The following C2orf42 variants were observed in gnomAD, a reference collection of about 807,000 sequenced individuals.
The protein encoded by C2orf42 is chromosome 2 open reading frame 42.
C2orf42 carries 44 observed loss-of-function variants against 58.9 expected under a neutral mutation model. The observed-to-expected ratio is 0.75, with a 90% CI of 0.59 to 0.96. The LOEUF is 0.96. C2orf42 is among the 40% of genes least tolerant of loss of function. C2orf42 has a pLI of 0.00. For synonymous variants in C2orf42, 239 were observed against 265.4 expected, an observed-to-expected ratio of 0.90 and a Z score of 0.97; for missense variants, 630 against 699.2, an observed-to-expected ratio of 0.90 and a Z score of 1.12.
intron 4 of C2orf42, among the ~76,000 whole-genome samples, chr2:70,177,990 T>A (rs7560708): frequency 0.22 from 33,867 of 152,082 alleles, 4,107 homozygotes; most frequent in Non-Finnish European, 0.24. Flanking sequence ...CAGTGAGCCA[T>A]GATTGTGCCC....
intron 9 of C2orf42, among the ~76,000 whole-genome samples, chr2:70,157,348 G>C (rs929495953): frequency 3.3e-5 from 5 of 152,116 alleles, no homozygotes; most frequent in Admixed American, 3.3e-4. Flanking sequence ...CAGCTACTCA[G>C]GAGGCTGAGG....
intron 1 of C2orf42, among the ~76,000 whole-genome samples, chr2:70,184,485 T>C: frequency 2.1e-5 from 2 of 93,316 alleles, no homozygotes; most frequent in African/African-American, 5.1e-5. Flanking sequence ...CCCTATTTTT[T>C]TTTTTTTTTT....
At chr2:70,151,352 T>C (rs1024777604) in intron 9 of C2orf42, among the ~76,000 whole-genome samples, 2 of 152,118 alleles carry the variant, frequency 1.3e-5, no homozygotes, top group Middle Eastern at 6.8e-3. Flanking sequence ...ACAAGAAGGA[T>C]AGGCCAGGGA....
At chr2:70,175,564 GTATT>G (rs1674131759) in intron 5 of C2orf42, 105 bp downstream of exon 5, 2 of 759,450 alleles carry the variant, frequency 2.6e-6, no homozygotes, top group Non-Finnish European at 2.4e-6. Flanking sequence ...GCTTCTGTTA[GTATT>G]TATGCTGGGA....
chr2:70,176,002 C>T (rs1227474952), intron 4 of C2orf42, among the ~76,000 whole-genome samples: 2 of 152,092 alleles, frequency 1.3e-5, no homozygotes, highest in Admixed American at 6.6e-5. Context: ...GAAAAAAATT[C>T]ACTTATTGCT....
chr2:70,162,779 G>A (rs1673143368), intron 8 of C2orf42, among the ~76,000 whole-genome samples: 1 of 151,780 alleles, frequency 6.6e-6, no homozygotes, highest in Non-Finnish European at 1.5e-5. Flanking sequence ...TGTAAATTCT[G>A]TAGCTATCAA....
intron 8 of C2orf42, among the ~76,000 whole-genome samples, chr2:70,164,538 A>C (rs1673274930): frequency 6.6e-6 from 1 of 152,008 alleles, no homozygotes; most frequent in Non-Finnish European, 1.5e-5. Flanking sequence ...GGGCTGAGGC[A>C]AGGGAATTGC....
rs921620038 is a variant in C2orf42, at chr2:70,189,300, G to A, written c.-282+1673C>T. On this transcript the variant is annotated intron_variant, in intron 1 of 9. Coordinates refer to ENST00000264434, the MANE Select transcript of C2orf42 (RefSeq NM_017880.3). ...GTATGCCTGTAATCCCAGCTACTCCGGAGGCTGAGGCAGGAGGATCGCTTG... is the reference window on the plus strand; with the variant it reads ...GTATGCCTGTAATCCCAGCTACTCCAGAGGCTGAGGCAGGAGGATCGCTTG... Among the ~76,000 whole-genome samples the A allele has an allele frequency of 2.6e-5, 4 of 151,042 alleles. No individual in the cohort carries two copies. The South Asian group carries it at 6.3e-4, about 24-fold the overall frequency.
At position 70,181,749 on chromosome 2, in the gene C2orf42, T is replaced by C. The variant is rs941577655; in HGVS notation, c.237A>G (p.Gln79=). Residue 79 remains glutamine, a synonymous_variant, in exon 3 of 10, where the codon CAA becomes CAG. Transcript: ENST00000264434. The part of the protein sequence containing the change: ...GSDLQVYSVR[Q]RDRGPDYRCF... ...ATCGGTAATCAGGGCCCCGGTCTCT[T>C]TGCCGCACTGAGTAGACCTGAAGAT... The C allele has an allele frequency of 1.2e-6, 2 of 1,614,194 alleles. No homozygotes were observed. The highest frequency in any genetic ancestry group is 2.2e-5 in the East Asian group (1 of 44,880).
At chr2:70,175,048 T>A (rs7569453) in intron 5 of C2orf42, among the ~76,000 whole-genome samples, 29,329 of 152,170 alleles carry the variant, frequency 0.19, 5,204 homozygotes, top group African/African-American at 0.47. Flanking sequence ...TAGTTTTTTT[T>A]AAAAATTATT....
At chr2:70,189,292 G>A (rs1410485764) in intron 1 of C2orf42, among the ~76,000 whole-genome samples, 4 of 150,178 alleles carry the variant, frequency 2.7e-5, no homozygotes, top group Non-Finnish European at 4.4e-5. Flanking sequence ...TGTAATCCCA[G>A]CTACTCCGGA....
intron 8 of C2orf42, 30 bp from the exon 9 acceptor site, chr2:70,160,817 TGA>T (rs1342057616): frequency 6.6e-7 from 1 of 1,514,774 alleles, no homozygotes; most frequent in Non-Finnish European, 8.8e-7. Context: ...CAAAAAAAGG[TGA>T]GAGAGAAAAC....
At chr2:70,168,059 C>T (rs1000268509) in intron 6 of C2orf42, among the ~76,000 whole-genome samples, 1 of 151,782 alleles carries the variant, frequency 6.6e-6, no homozygotes, top group African/African-American at 2.4e-5. Flanking sequence ...ATGGTGAAAC[C>T]CCATCTCTAC....
intron 8 of C2orf42, among the ~76,000 whole-genome samples, chr2:70,163,391 C>A (rs751667418): frequency 1.2e-4 from 18 of 151,826 alleles, no homozygotes; most frequent in African/African-American, 1.7e-4. Context: ...ACTACAGGAG[C>A]CTGCCACCAT....
Position 70,165,075 on chromosome 2 carries a change from T to C in C2orf42, c.1353+17A>G. ...TCCCTTCACAACCCTCCCACTGTTA[T>C]AGAAATAAACTCTCACCTCTGGGGT... On this transcript the variant is annotated intron_variant, in intron 8 of 9. Coordinates refer to ENST00000264434, the MANE Select transcript of C2orf42 (RefSeq NM_017880.3). The C allele has an allele frequency of 3.6e-6, 5 of 1,389,206 alleles. No homozygotes were observed. Among genetic ancestry groups the C allele is most frequent in the East Asian group, 2.3e-5 (1 of 43,454 alleles). 86.1% of individuals were successfully genotyped at this position (1,389,206 alleles called of 1,614,324 possible).
At chr2:70,168,364 T>C (rs1336869269) in intron 6 of C2orf42, among the ~76,000 whole-genome samples, 2 of 140,232 alleles carry the variant, frequency 1.4e-5, no homozygotes, top group Non-Finnish European at 3.1e-5. Flanking sequence ...CTCAGATCAC[T>C]GTAAGCTCCA....
rs149251706 is a variant in C2orf42 at position 70,179,631 on chromosome 2, T to C, written c.835A>G (p.Ile279Val). 318 of 1,414,194 alleles carry C rather than the reference T, an allele frequency of 2.2e-4. No homozygotes were observed. The highest frequency in any genetic ancestry group is 3.1e-4 in the Non-Finnish European group (308 of 999,718). 87.6% of individuals were successfully genotyped at this position (1,414,194 alleles called of 1,614,324 possible). The change falls in exon 4 of 10, where the codon ATT becomes GTT. Residue 279 changes from isoleucine to valine, a missense_variant. Coordinates refer to ENST00000264434, the MANE Select transcript of C2orf42 (RefSeq NM_017880.3). ...TGGCAACCTAACTGGGGTACAATAATCTCTTTAAGACCTAAAAAAAAGAAG... is the reference window on the plus strand; with the variant it reads ...TGGCAACCTAACTGGGGTACAATAACCTCTTTAAGACCTAAAAAAAAGAAG... ...LNFDSSGLKE[I>V]IVPQLGCHSE...
rs752530789 is a variant in C2orf42 at position 70,165,638 on chromosome 2, A to G, written c.1145-3T>C. The G allele has an allele frequency of 4.6e-6, 7 of 1,528,810 alleles. No individual in the cohort carries two copies. Among genetic ancestry groups the G allele is most frequent in the Non-Finnish European group, 6.3e-6 (7 of 1,103,172 alleles). 94.7% of individuals were successfully genotyped at this position (1,528,810 alleles called of 1,614,324 possible). A position where few individuals can be genotyped will look rare whatever the true frequency, so the allele number is the denominator to read the frequency against. On this transcript the variant is annotated splice_polypyrimidine_tract_variant and splice_region_variant and intron_variant, in intron 6 of 9. Coordinates refer to ENST00000264434, the MANE Select transcript of C2orf42 (RefSeq NM_017880.3). ...GAACACCAATGGTTCTGGTTTGCCT[A>G]TGGGAAACAAGAAGAAACAACTCAT...
intron 1 of C2orf42, among the ~76,000 whole-genome samples, chr2:70,184,717 G>A (rs926286739): frequency 2.6e-5 from 4 of 152,014 alleles, no homozygotes; most frequent in Admixed American, 6.6e-5. Context: ...CTGGGCTCAA[G>A]CAATCCTCCT....
Sources: allele counts gnomAD v4.1 joint callset (sites outside exome capture counted in the v4.1 genomes callset), GRCh38; gene constraint gnomAD v4.1.1; transcripts MANE v1.5; gene names NCBI Gene and HGNC (gene_info 2026-07-23, HGNC 2026-07-21).